The following RASAL2 variants were observed in gnomAD, a reference collection of about 807,000 sequenced individuals.
RASAL2 encodes ras GTPase-activating protein nGAP.
In RASAL2, 58 loss-of-function variants were observed where a neutral mutation model predicts 128.9. The ratio of observed to expected loss-of-function variants is 0.45; its 90% confidence interval spans 0.36 to 0.56. The LOEUF (loss-of-function observed/expected upper bound fraction) is 0.56. Among genes scored for constraint, RASAL2 ranks in the 20% least tolerant of loss-of-function variants. The probability of loss-of-function intolerance (pLI) is 0.00; values close to 1 mark genes in which losing one functional copy is unlikely to be tolerated. For synonymous variants in RASAL2, 561 were observed against 580.8 expected (o/e 0.97, Z 0.49); for missense variants, 1,360 against 1,601.6 (o/e 0.85, Z 2.57).
Position 178,282,414 on chromosome 1 carries a change from C to A in RASAL2, c.203-1150C>A, listed in dbSNP as rs545476413. On this transcript the variant is annotated intron_variant, in intron 1 of 17. Transcript: ENST00000367649. ...CAACTGACTTGTTGCTAACGTTCTACAGAACTCCAGCTATAATTATGCATA... is the reference window on the plus strand; with the variant it reads ...CAACTGACTTGTTGCTAACGTTCTAAAGAACTCCAGCTATAATTATGCATA... Among the ~76,000 whole-genome samples, 4 of 152,260 alleles carry A rather than the reference C, an allele frequency of 2.6e-5. No homozygotes were observed. In the East Asian group the frequency reaches 7.7e-4, roughly 29 times the overall value.
At chr1:178,345,055 C>G (rs1283434981) in intron 3 of RASAL2, among the ~76,000 whole-genome samples, 3 of 152,070 alleles carry the variant, frequency 2.0e-5, no homozygotes, top group African/African-American at 7.2e-5. Context: ...AGATGAAGGC[C>G]TTTGTCCTCT....
intron 3 of RASAL2, among the ~76,000 whole-genome samples, chr1:178,322,333 T>C (rs1000897245): frequency 6.6e-6 from 1 of 152,232 alleles, no homozygotes; most frequent in African/African-American, 2.4e-5. Flanking sequence ...CCTTTTTCTT[T>C]TGCTTTGTCC....
At chr1:178,456,006 C>G (rs572391451) in intron 12 of RASAL2, among the ~76,000 whole-genome samples, 1 of 152,336 alleles carries the variant, frequency 6.6e-6, no homozygotes, top group East Asian at 1.9e-4. Flanking sequence ...TATGTAAACA[C>G]ACTTTCTCCT....
At chr1:178,420,739 C>T in intron 5 of RASAL2, 119 bp downstream of exon 5, 1 of 737,466 alleles carries the variant, frequency 1.4e-6, no homozygotes, top group Non-Finnish European at 2.1e-6. Flanking sequence ...AAAAAATTGA[C>T]TTTTATGTCG....
chr1:178,109,244 C>T lies in RASAL2; in HGVS notation c.202+14550C>T, dbSNP rs1272559766. 5.3e-5 allele frequency among the ~76,000 whole-genome samples: 8 copies of T among 152,086 alleles called. No homozygotes were observed. The East Asian group carries it at 9.6e-4, about 18-fold the overall frequency. On this transcript the variant is annotated intron_variant, in intron 1 of 17. Coordinates refer to ENST00000367649, the MANE Select transcript of RASAL2 (RefSeq NM_170692.4). Reference sequence around the variant, plus strand: ...TAGCCCTACAGGAGATATTTTAGGACATTGATAGAATTCACAGTTTTTTGT... The same window carrying T: ...TAGCCCTACAGGAGATATTTTAGGATATTGATAGAATTCACAGTTTTTTGT...
chr1:178,147,105 T>C (rs1232057552), intron 1 of RASAL2, among the ~76,000 whole-genome samples: 2 of 152,188 alleles, frequency 1.3e-5, no homozygotes, highest in African/African-American at 4.8e-5. Flanking sequence ...TAGATACTTG[T>C]GGTAGATAAT....
At chr1:178,417,664 C>T (rs910146507) in intron 4 of RASAL2, among the ~76,000 whole-genome samples, 2 of 149,054 alleles carry the variant, frequency 1.3e-5, no homozygotes, top group South Asian at 2.1e-4. Flanking sequence ...GAGGTTGAGG[C>T]AGGAGAAGAG....
chr1:178,372,582 C>T (rs1345947731), intron 3 of RASAL2, among the ~76,000 whole-genome samples: 1 of 152,264 alleles, frequency 6.6e-6, no homozygotes, highest in Admixed American at 6.5e-5. Flanking sequence ...CTTACCATGT[C>T]ATCTGGCCAG....
intron 3 of RASAL2, among the ~76,000 whole-genome samples, chr1:178,356,451 C>A (rs1281567450): frequency 6.6e-6 from 1 of 151,706 alleles, no homozygotes; most frequent in Non-Finnish European, 1.5e-5. Context: ...ATGGATACAA[C>A]CTGGAAAAAA....
chr1:178,123,989 T>C (rs1373545134), intron 1 of RASAL2, among the ~76,000 whole-genome samples: 1 of 152,074 alleles, frequency 6.6e-6, no homozygotes, highest in African/African-American at 2.4e-5. Context: ...GCACTATTAG[T>C]GACATACTTA....
intron 1 of RASAL2, among the ~76,000 whole-genome samples, chr1:178,235,876 A>G (rs1664210862): frequency 6.6e-6 from 1 of 152,176 alleles, no homozygotes; most frequent in East Asian, 1.9e-4. Flanking sequence ...CTTATCTAAG[A>G]GAAAGTAATT....
chr1:178,352,838 C>A (rs948432735), intron 3 of RASAL2, among the ~76,000 whole-genome samples: 11 of 152,372 alleles, frequency 7.2e-5, no homozygotes, highest in Middle Eastern at 3.4e-3. Context: ...GTATTTAAGG[C>A]TTTCAGCTTG....
At chr1:178,436,430 A>G (rs2102818123) in intron 5 of RASAL2, among the ~76,000 whole-genome samples, 1 of 152,228 alleles carries the variant, frequency 6.6e-6, no homozygotes, top group South Asian at 2.1e-4. Context: ...TTATGGCTAC[A>G]TTTGAAGTTA....
intron 2 of RASAL2, among the ~76,000 whole-genome samples, chr1:178,296,031 A>G (rs1418411740): frequency 1.3e-5 from 2 of 151,916 alleles, no homozygotes; most frequent in African/African-American, 2.4e-5. Flanking sequence ...TACAGAAAAT[A>G]TGTGTGTATG....
intron 1 of RASAL2, among the ~76,000 whole-genome samples, chr1:178,131,124 T>C (rs1453928846): frequency 1.3e-5 from 2 of 151,442 alleles, no homozygotes; most frequent in Non-Finnish European, 2.9e-5. Context: ...ACGAGATTAA[T>C]TCATGTTTTA....
At chr1:178,399,176 C>T (rs144082928) in intron 4 of RASAL2, among the ~76,000 whole-genome samples, 9 of 152,308 alleles carry the variant, frequency 5.9e-5, no homozygotes, top group African/African-American at 2.2e-4. Flanking sequence ...ATTCAGCCTC[C>T]CTCTCTCTTC....
At chr1:178,425,094 G>T (rs1675437400) in intron 5 of RASAL2, among the ~76,000 whole-genome samples, 1 of 152,144 alleles carries the variant, frequency 6.6e-6, no homozygotes, top group Non-Finnish European at 1.5e-5. Flanking sequence ...ACTTCTTGTT[G>T]AGTGGATCAG....
chr1:178,159,873 C>G (rs887312474), intron 1 of RASAL2, among the ~76,000 whole-genome samples: 7 of 152,060 alleles, frequency 4.6e-5, no homozygotes, highest in Non-Finnish European at 8.8e-5. Context: ...ACACTTCACT[C>G]CTGCCTGGGC....
chr1:178,252,680 A>G (rs976882886), intron 1 of RASAL2, among the ~76,000 whole-genome samples: 4 of 152,198 alleles, frequency 2.6e-5, no homozygotes, highest in African/African-American at 7.2e-5. Flanking sequence ...TTAGATATGA[A>G]TTAAAGGGAA....
Sources: gnomAD v4.1 joint callset for allele counts (sites outside exome capture counted in the v4.1 genomes callset) on GRCh38, gnomAD v4.1.1 for gene constraint, MANE v1.5 for transcripts, NCBI Gene and HGNC (gene_info 2026-07-23, HGNC 2026-07-21) for gene names.